Variants in LRP1B observed in about 807,000 individuals in gnomAD.
LRP1B encodes the protein low-density lipoprotein receptor-related protein 1B.
LRP1B carries 217 observed loss-of-function variants against 556.6 expected under a neutral mutation model. The ratio of observed to expected loss-of-function variants is 0.39; its 90% confidence interval spans 0.35 to 0.44. The LOEUF is 0.44. Ranked by LOEUF, LRP1B falls within the 20% of genes least tolerant of loss-of-function variation. The pLI, the probability that LRP1B is intolerant of heterozygous loss-of-function variation, is 1.00. For synonymous variants in LRP1B, 2,047 were observed against 1,865.8 expected, an observed-to-expected ratio of 1.10 and a Z score of -2.50; for missense variants, 5,053 against 5,620.8, an observed-to-expected ratio of 0.90 and a Z score of 3.23.
chr2:140,727,031 A>C (rs1356564129), intron 35 of LRP1B, among the ~76,000 whole-genome samples: 1 of 152,180 alleles, frequency 6.6e-6, no homozygotes, highest in African/African-American at 2.4e-5. Context: ...CAATGCAATA[A>C]AATGTTAAAA....
rs1394960415 is a variant in LRP1B, at chr2:140,501,875, C to G, written c.8663-1G>C. 6.3e-7 allele frequency: 1 copy of G among 1,580,436 alleles called. No homozygotes were observed. Among genetic ancestry groups the G allele is most frequent in the African/African-American group, 1.4e-5 (1 of 73,366 alleles). On this transcript the variant is annotated splice_acceptor_variant, in intron 54 of 90. Transcript: ENST00000389484. LOFTEE classifies it high-confidence loss of function. ...AAAAATGAACTGTTGCATGACTGTT[C>G]TGGAAAAAAAATAAAACAAATGGAA... is the stretch of plus-strand genomic sequence containing the variant.
At chr2:141,933,872 A>AT (rs1700566936) in intron 1 of LRP1B, among the ~76,000 whole-genome samples, 1 of 152,138 alleles carries the variant, frequency 6.6e-6, no homozygotes, top group South Asian at 2.1e-4. Flanking sequence ...TAAATTCATG[A>AT]GTAATATGAT....
intron 32 of LRP1B, among the ~76,000 whole-genome samples, chr2:140,810,715 T>G (rs1357489943): frequency 6.6e-6 from 1 of 152,148 alleles, no homozygotes; most frequent in African/African-American, 2.4e-5. Context: ...GTTAACATAT[T>G]GCCAGTAAAG....
intron 5 of LRP1B, among the ~76,000 whole-genome samples, chr2:141,240,329 G>C (rs1164898540): frequency 6.6e-6 from 1 of 151,652 alleles, no homozygotes; most frequent in Admixed American, 6.6e-5. Flanking sequence ...TGATACAGAG[G>C]ATGCCTTGAA....
chr2:141,107,659 A>T, intron 7 of LRP1B, among the ~76,000 whole-genome samples: 1 of 63,238 alleles, frequency 1.6e-5, no homozygotes, highest in African/African-American at 4.8e-5. Flanking sequence ...AAAAAACAAG[A>T]AAGAAAGACT....
At chr2:141,050,106 C>T (rs1698992077) in intron 10 of LRP1B, among the ~76,000 whole-genome samples, 1 of 151,522 alleles carries the variant, frequency 6.6e-6, no homozygotes, top group South Asian at 2.1e-4. Context: ...ATTAATAAAA[C>T]TGAAGATACA....
rs150587388 is a variant in LRP1B, at chr2:141,028,616, G to A, written c.1790-8514C>T. Among the ~76,000 whole-genome samples, 230 of 151,980 alleles carry A rather than the reference G, an allele frequency of 1.5e-3. 1 individual carries two copies. The highest frequency in any genetic ancestry group is 5.1e-3 in the African/African-American group (212 of 41,494). On this transcript the variant is annotated intron_variant, in intron 11 of 90. Transcript: ENST00000389484. ...TCAGTAAAAACCAAAATGACTTTTC[G>A]AATGATCAAAAAATGATAAATTGAT...
At chr2:140,435,669 G>GA (rs61686870) in intron 66 of LRP1B, among the ~76,000 whole-genome samples, 2 of 146,432 alleles carry the variant, frequency 1.4e-5, no homozygotes, top group African/African-American at 2.5e-5. Flanking sequence ...TGTTAAGACA[G>GA]AAAAAAAAAA....
At chr2:141,646,704 A>G (rs1052683344) in intron 2 of LRP1B, among the ~76,000 whole-genome samples, 7 of 152,152 alleles carry the variant, frequency 4.6e-5, no homozygotes, top group Admixed American at 4.6e-4. Flanking sequence ...TACTCAGGAG[A>G]ATAGGGAATG....
intron 32 of LRP1B, among the ~76,000 whole-genome samples, chr2:140,789,107 C>T (rs1479674531): frequency 1.3e-5 from 2 of 151,586 alleles, no homozygotes; most frequent in Non-Finnish European, 2.9e-5. Context: ...CTAATATACT[C>T]CCCCATATCA....
intron 18 of LRP1B, among the ~76,000 whole-genome samples, chr2:140,962,718 T>C (rs1696073412): frequency 1.3e-5 from 2 of 152,190 alleles, no homozygotes; most frequent in South Asian, 4.1e-4. Flanking sequence ...ACATCTTCTC[T>C]ACTGTGCGGG....
chr2:141,826,422 C>A (rs1430966346), intron 1 of LRP1B, among the ~76,000 whole-genome samples: 1 of 144,438 alleles, frequency 6.9e-6, no homozygotes, highest in African/African-American at 2.6e-5. Flanking sequence ...TGCAGTGGCG[C>A]CATCTCGGCT....
chr2:141,289,046 A>G (rs113410990), intron 3 of LRP1B, among the ~76,000 whole-genome samples: 34 of 152,310 alleles, frequency 2.2e-4, no homozygotes, highest in African/African-American at 7.9e-4. Context: ...AACACGCTTA[A>G]GAAATATAAA....
intron 77 of LRP1B, among the ~76,000 whole-genome samples, chr2:140,344,592 CA>C (rs1681559003): frequency 2.0e-5 from 3 of 151,756 alleles, no homozygotes; most frequent in African/African-American, 7.3e-5. Context: ...TTATTTTAAA[CA>C]TGTGAAAAAT....
intron 3 of LRP1B, among the ~76,000 whole-genome samples, chr2:141,392,260 A>G (rs763429340): frequency 6.6e-6 from 1 of 152,090 alleles, no homozygotes; most frequent in African/African-American, 2.4e-5. Flanking sequence ...GTAATTTTAG[A>G]TAAGTTATTT....
At chr2:142,123,529 GC>G (rs1376759476) in intron 1 of LRP1B, among the ~76,000 whole-genome samples, 3 of 151,962 alleles carry the variant, frequency 2.0e-5, no homozygotes, top group African/African-American at 7.2e-5. Flanking sequence ...TGAAGGCTAA[GC>G]CAGTCAGGAC....
chr2:140,908,309 G>T (rs928614477), intron 21 of LRP1B, among the ~76,000 whole-genome samples: 1 of 148,262 alleles, frequency 6.7e-6, no homozygotes, highest in Non-Finnish European at 1.5e-5. Context: ...TTAGATTCAA[G>T]TCATTGCTCT....
At chr2:140,483,640 A>ATATTTTT (rs1491228405) in intron 59 of LRP1B, among the ~76,000 whole-genome samples, 26 of 70,730 alleles carry the variant, frequency 3.7e-4, no homozygotes, top group African/African-American at 1.7e-3. Flanking sequence ...ATATATATAT[A>ATATTTTT]TTTTTTTTTT....
intron 3 of LRP1B, among the ~76,000 whole-genome samples, chr2:141,457,231 G>A (rs1368271749): frequency 1.3e-5 from 2 of 152,152 alleles, no homozygotes; most frequent in South Asian, 2.1e-4. Flanking sequence ...GTGGTTTCAG[G>A]AGGCTAGCCT....
Sources: gnomAD v4.1 joint callset for allele counts (sites outside exome capture counted in the v4.1 genomes callset) on GRCh38, gnomAD v4.1.1 for gene constraint, MANE v1.5 for transcripts, NCBI Gene and HGNC (gene_info 2026-07-23, HGNC 2026-07-21) for gene names.